Variants in LRRC58 observed in about 807,000 individuals in gnomAD.
LRRC58 encodes the protein leucine-rich repeat-containing protein 58.
LRRC58 carries 18 observed loss-of-function variants against 30.6 expected under a neutral mutation model. That is an observed-to-expected ratio of 0.59 (90% CI 0.41 to 0.87). The LOEUF is 0.87. LRRC58 is among the 40% of genes least tolerant of loss of function. The pLI is 0.00. For missense variants in LRRC58, 420 were observed against 468.4 expected (o/e 0.90, Z 0.95); for synonymous variants, 221 against 206.0 (o/e 1.07, Z -0.62).
chr3:120,329,879 T>A lies in LRRC58; in HGVS notation c.*1321A>T, dbSNP rs1935730272. 1 of 151,722 alleles carries A rather than the reference T, an allele frequency of 6.6e-6. No homozygotes were observed. Among genetic ancestry groups the A allele is most frequent in the African/African-American group, 2.4e-5 (1 of 41,154 alleles). 9.4% of individuals were successfully genotyped at this position (151,722 alleles called of 1,614,324 possible). Reference sequence around the variant, plus strand: ...CTATTATTCAATTTGTATTGCATATTAAAGTACTTAATAAAAATTTGGTAA... The same window carrying A: ...CTATTATTCAATTTGTATTGCATATAAAAGTACTTAATAAAAATTTGGTAA... On this transcript the variant is annotated 3_prime_UTR_variant, in exon 4 of 4. Coordinates refer to ENST00000295628, the MANE Select transcript of LRRC58 (RefSeq NM_001099678.2).
At position 120,331,005 on chromosome 3, in the gene LRRC58, A is replaced by T; in HGVS notation, c.*195T>A. ...GAAACTATCATTCACAAATTATGTT[A>T]AAATAATCTAAACATGGGACTGGAC... On this transcript the variant is annotated 3_prime_UTR_variant, in exon 4 of 4. Transcript: ENST00000295628. 1.7e-6 allele frequency: 1 copy of T among 573,860 alleles called. No homozygotes were observed. Among genetic ancestry groups the T allele is most frequent in the Non-Finnish European group, 3.1e-6 (1 of 317,832 alleles). 35.5% of individuals were successfully genotyped at this position (573,860 alleles called of 1,614,324 possible). A position where few individuals can be genotyped will look rare whatever the true frequency, so the allele number is the denominator to read the frequency against.
chr3:120,341,682 A>G (rs1935906294), intron 1 of LRRC58, among the ~76,000 whole-genome samples: 1 of 152,136 alleles, frequency 6.6e-6, no homozygotes, highest in South Asian at 2.1e-4. Flanking sequence ...TCCTCTCTCC[A>G]TCATGTTGAT....
chr3:120,348,704 CGCCCGAG>C, intron 1 of LRRC58, 33 bp downstream of exon 1: 1 of 1,496,210 alleles, frequency 6.7e-7, no homozygotes, highest in Non-Finnish European at 8.9e-7. Flanking sequence ...TCCCGGACAC[CGCCCGAG>C]GCCTCCCCAC....
chr3:120,330,489 T>G lies in LRRC58; in HGVS notation c.*711A>C, dbSNP rs1935739302. 6.6e-6 allele frequency: 1 copy of G among 152,176 alleles called. No homozygotes were observed. Among genetic ancestry groups the G allele is most frequent in the South Asian group, 2.1e-4 (1 of 4,832 alleles). The allele number at this position is 152,176 out of a possible 1,614,324, so 9.4% of individuals were successfully genotyped here. A position where few individuals can be genotyped will look rare whatever the true frequency, so the allele number is the denominator to read the frequency against. On this transcript the variant is annotated 3_prime_UTR_variant, in exon 4 of 4. Transcript: ENST00000295628. ...TCTGGCATTACTTCTTGAATACATT[T>G]TTATATCCTTGCTGGATTAAGGCAC...
intron 1 of LRRC58, among the ~76,000 whole-genome samples, chr3:120,337,389 T>A (rs1203151287): frequency 6.6e-6 from 1 of 152,228 alleles, no homozygotes; most frequent in African/African-American, 2.4e-5. Context: ...AAGTTTAGCA[T>A]CTTTTTATGG....
At chr3:120,342,069 C>T (rs192139723) in intron 1 of LRRC58, among the ~76,000 whole-genome samples, 8 of 152,222 alleles carry the variant, frequency 5.3e-5, no homozygotes, top group African/African-American at 1.7e-4. Context: ...TGTCTTCTCC[C>T]GCTGCCTGGC....
At chr3:120,332,081 G>A (rs1935765509) in intron 3 of LRRC58, among the ~76,000 whole-genome samples, 1 of 152,200 alleles carries the variant, frequency 6.6e-6, no homozygotes, top group African/African-American at 2.4e-5. Flanking sequence ...AGTAAAAACA[G>A]AGCTAGAGCT....
intron 1 of LRRC58, among the ~76,000 whole-genome samples, chr3:120,339,705 T>C (rs1935880472): frequency 6.6e-6 from 1 of 152,188 alleles, no homozygotes; most frequent in South Asian, 2.1e-4. Flanking sequence ...TTTTTTCTTA[T>C]TCATCTTTAA....
At chr3:120,343,596 C>T (rs1184108084) in intron 1 of LRRC58, among the ~76,000 whole-genome samples, 1 of 152,150 alleles carries the variant, frequency 6.6e-6, no homozygotes, top group Non-Finnish European at 1.5e-5. Flanking sequence ...ATCACGTTTC[C>T]AATCCTTAGG....
chr3:120,349,082 G>A lies in LRRC58; in HGVS notation c.162C>T (p.Asn54=). The stretch of plus-strand genomic sequence containing the variant: ...GCGCCCGTGGCAGCGACACCAGACG[G>A]TTGTGAGGCAGCAGCAGCCGCAGCA... ...EALLRLLLPH[N]RLVSLPRALG... The change falls in exon 1 of 4, where the codon AAC becomes AAT. Residue 54 remains asparagine (N), a synonymous_variant. Coordinates refer to ENST00000295628, the MANE Select transcript of LRRC58 (RefSeq NM_001099678.2). 6.6e-7 allele frequency: 1 copy of A among 1,516,200 alleles called. No individual in the cohort carries two copies. The highest frequency in any genetic ancestry group is 8.8e-7 in the Non-Finnish European group (1 of 1,140,696). The allele number at this position is 1,516,200 out of a possible 1,614,324, so 93.9% of individuals were successfully genotyped here.
At chr3:120,341,659 A>ACT (rs1307625397) in intron 1 of LRRC58, among the ~76,000 whole-genome samples, 209 of 152,314 alleles carry the variant, frequency 1.4e-3, no homozygotes, top group Non-Finnish European at 2.5e-3. Context: ...TAGGATTCCC[A>ACT]AGGCAACTTG....
chr3:120,349,015 C>A lies in LRRC58; in HGVS notation c.229G>T (p.Gly77Cys), dbSNP rs896136429. 2.0e-6 allele frequency: 3 copies of A among 1,519,738 alleles called. No homozygotes were observed. Among genetic ancestry groups the A allele is most frequent in the Non-Finnish European group, 2.6e-6 (3 of 1,141,008 alleles). The allele number at this position is 1,519,738 out of a possible 1,614,324, so 94.1% of individuals were successfully genotyped here. Reference protein sequence around the residue: ...FPHLQLLDVSGNALTALGPEL... With the variant: ...FPHLQLLDVSCNALTALGPEL... ...GGCCCGAGCGCGGTCAACGCGTTGC[C>A]GCTCACGTCCAGCAGCTGGAGGTGC... Residue 77 changes from glycine (G) to cysteine (C), a missense_variant, in exon 1 of 4, where the codon GGC becomes TGC. Coordinates refer to ENST00000295628, the MANE Select transcript of LRRC58 (RefSeq NM_001099678.2).
In LRRC58 at chr3:120,329,599, T is replaced by C. The variant is rs1935725870; in HGVS notation, c.*1601A>G. 1 of 152,062 alleles carries C rather than the reference T, an allele frequency of 6.6e-6. No homozygotes were observed. The highest frequency in any genetic ancestry group is 1.5e-5 in the Non-Finnish European group (1 of 67,938). The allele number at this position is 152,062 out of a possible 1,614,324, so 9.4% of individuals were successfully genotyped here. A position where few individuals can be genotyped will look rare whatever the true frequency, so the allele number is the denominator to read the frequency against. ...AAATAAACACATAAACCCTGAATTA[T>C]GCTAGTTTCTTCTAAAATAAAAAAT... On this transcript the variant is annotated 3_prime_UTR_variant, in exon 4 of 4. Transcript: ENST00000295628.
At chr3:120,335,491 T>C (rs1464242716) in intron 2 of LRRC58, among the ~76,000 whole-genome samples, 1 of 152,192 alleles carries the variant, frequency 6.6e-6, no homozygotes, top group African/African-American at 2.4e-5. Context: ...GAAATTAAGA[T>C]CCTTCATATT....
rs1559991190 is a variant in LRRC58 at position 120,325,663 on chromosome 3, AAAGTATT to A, written c.*5530_*5536del. The stretch of plus-strand genomic sequence containing the variant: ...AAAGAATGGGAGATATTTACATACA[AAAGTATT>A]CAAACATGTCTCACTTTCAACCTAT... On this transcript the variant is annotated 3_prime_UTR_variant, in exon 4 of 4. Coordinates refer to ENST00000295628, the MANE Select transcript of LRRC58 (RefSeq NM_001099678.2). 6.6e-6 allele frequency: 1 copy of A among 152,216 alleles called. No individual in the cohort carries two copies. Among genetic ancestry groups the A allele is most frequent in the Non-Finnish European group, 1.5e-5 (1 of 68,036 alleles). The allele number at this position is 152,216 out of a possible 1,614,324, so 9.4% of individuals were successfully genotyped here.
chr3:120,348,606 G>T, intron 1 of LRRC58, 138 bp downstream of exon 1: 2 of 985,304 alleles, frequency 2.0e-6, no homozygotes, highest in Non-Finnish European at 2.8e-6. Context: ...AGATGGTTGG[G>T]CAGAACTCAC....
rs1423433981 is a variant in LRRC58, at chr3:120,330,746, A to C, written c.*454T>G. On this transcript the variant is annotated 3_prime_UTR_variant, in exon 4 of 4. Coordinates refer to ENST00000295628, the MANE Select transcript of LRRC58 (RefSeq NM_001099678.2). ...GTTAATCCTGTTTATGGCATATAAT[A>C]TATATGGTATATATAGTATATATGG... The C allele has an allele frequency of 6.4e-6, 1 of 155,580 alleles. No individual in the cohort carries two copies. The highest frequency in any genetic ancestry group is 1.4e-5 in the Non-Finnish European group (1 of 70,076). 9.6% of individuals were successfully genotyped at this position (155,580 alleles called of 1,614,324 possible).
rs557357181 is a variant in LRRC58, at chr3:120,328,380, C to T, written c.*2820G>A. 6.6e-6 allele frequency: 1 copy of T among 152,274 alleles called. No individual in the cohort carries two copies. The highest frequency in any genetic ancestry group is 2.4e-5 in the African/African-American group (1 of 41,550). The allele number at this position is 152,274 out of a possible 1,614,324, so 9.4% of individuals were successfully genotyped here. A position where few individuals can be genotyped will look rare whatever the true frequency, so the allele number is the denominator to read the frequency against. ...CTAAGAATGCACAATGTACTAATTC[C>T]AATTTCAAATACTAGCACTGAAGAA... On this transcript the variant is annotated 3_prime_UTR_variant, in exon 4 of 4. Coordinates refer to ENST00000295628, the MANE Select transcript of LRRC58 (RefSeq NM_001099678.2).
chr3:120,347,379 C>CTTTTTTTTTTTTTTTTTT (rs796116731), intron 1 of LRRC58, among the ~76,000 whole-genome samples: 1,516 of 54,800 alleles, frequency 0.028, 331 homozygotes, highest in Non-Finnish European at 0.04. Flanking sequence ...GGCCAATATT[C>CTTTTTTTTTTTTTTTTTT]TTTTTTTTTT....
Sources: gnomAD v4.1 joint callset for allele counts (sites outside exome capture counted in the v4.1 genomes callset) on GRCh38, gnomAD v4.1.1 for gene constraint, MANE v1.5 for transcripts, NCBI Gene and HGNC (gene_info 2026-07-23, HGNC 2026-07-21) for gene names.